The following PRELID2 variants were observed in gnomAD, a reference collection of about 807,000 sequenced individuals.
PRELID2 encodes PRELI domain-containing protein 2.
PRELID2 carries 25 observed loss-of-function variants against 28.4 expected under a neutral mutation model. The ratio of observed to expected loss-of-function variants is 0.88; its 90% CI spans 0.64 to 1.23. The LOEUF is 1.23. Among genes scored for constraint, PRELID2 ranks in the 50% most tolerant of loss-of-function variants. The pLI, the probability that PRELID2 is intolerant of heterozygous loss-of-function variation, is 0.00. For synonymous variants in PRELID2, 76 were observed against 71.6 expected (o/e 1.06, Z -0.31); for missense variants, 201 against 214.4 (o/e 0.94, Z 0.39).
chr5:145,778,037 G>A (rs183902321), intron 5 of PRELID2, among the ~76,000 whole-genome samples: 79 of 152,306 alleles, frequency 5.2e-4, no homozygotes, highest in African/African-American at 1.9e-3. Context: ...CCTGAAGGCT[G>A]GGGGCGGGGC....
chr5:145,414,932 C>T, the PRELID2 span, among the ~76,000 whole-genome samples: 1 of 152,168 alleles, frequency 6.6e-6, no homozygotes, highest in African/African-American at 2.4e-5. Context: ...AGCAATAACT[C>T]TAGGCTGCAG....
At chr5:145,403,988 C>T in the PRELID2 span, among the ~76,000 whole-genome samples, 3 of 152,172 alleles carry the variant, frequency 2.0e-5, no homozygotes, top group South Asian at 2.1e-4. Flanking sequence ...TTTTAAACTG[C>T]CAAAGCACTA....
At chr5:145,728,746 T>C (rs1581106406) in intron 1 of PRELID2, 1 of 1,461,598 alleles carries the variant, frequency 6.8e-7, no homozygotes, top group Admixed American at 1.7e-5. Flanking sequence ...TCTTCAACTG[T>C]TGTGAAGGCT....
At chr5:145,393,436 G>A in the PRELID2 span, among the ~76,000 whole-genome samples, 68 of 152,300 alleles carry the variant, frequency 4.5e-4, no homozygotes, top group African/African-American at 1.6e-3. Flanking sequence ...GAGTTTAATT[G>A]AGCAAAGAAT....
rs139688338 is a variant in PRELID2, at chr5:145,553,358, T to C, written n.71-80043A>G. On this transcript the variant is annotated intron_variant and non_coding_transcript_variant, in intron 1 of 2. Transcript: ENST00000510259. Reference sequence around the variant, plus strand: ...GGCACAGTCACCTGAGGCGGTTCAGTGTGACTTCTGTAAAGGCAGAGTAGC... The same window carrying C: ...GGCACAGTCACCTGAGGCGGTTCAGCGTGACTTCTGTAAAGGCAGAGTAGC... Among the ~76,000 whole-genome samples, 326 of 152,220 alleles carry C rather than the reference T, an allele frequency of 2.1e-3. 1 individual carries two copies. Among genetic ancestry groups the C allele is most frequent in the African/African-American group, 7.4e-3 (307 of 41,520 alleles).
At chr5:145,425,908 A>G in the PRELID2 span, among the ~76,000 whole-genome samples, 2 of 152,168 alleles carry the variant, frequency 1.3e-5, no homozygotes, top group Admixed American at 6.5e-5. Context: ...CCACTCCCAC[A>G]CAGCCTTCCC....
intron 4 of PRELID2, among the ~76,000 whole-genome samples, chr5:145,806,546 T>G (rs760963668): frequency 6.6e-6 from 1 of 152,208 alleles, no homozygotes; most frequent in Non-Finnish European, 1.5e-5. Flanking sequence ...TTAAAATATT[T>G]TATAAGTTAG....
chr5:145,369,960 G>T, the PRELID2 span, among the ~76,000 whole-genome samples: 277 of 147,732 alleles, frequency 1.9e-3, 5 homozygotes, highest in East Asian at 0.041. Context: ...GTTTTAATGG[G>T]TTTTTTTTTT....
chr5:145,660,701 C>A (rs1475154524), intron 1 of PRELID2, among the ~76,000 whole-genome samples: 1 of 152,096 alleles, frequency 6.6e-6, no homozygotes, highest in South Asian at 2.1e-4. Flanking sequence ...TGGGCAACAG[C>A]CTACATTTCC....
At chr5:145,554,771 C>T (rs772845248) in intron 1 of PRELID2, among the ~76,000 whole-genome samples, 4 of 152,170 alleles carry the variant, frequency 2.6e-5, no homozygotes, top group Non-Finnish European at 5.9e-5. Flanking sequence ...CTCTATTCCC[C>T]TTGTAAGAAT....
the PRELID2 span, among the ~76,000 whole-genome samples, chr5:145,231,233 G>A: frequency 7.4e-5 from 11 of 148,824 alleles, no homozygotes; most frequent in Non-Finnish European, 1.3e-4. Flanking sequence ...TTTATTTTTT[G>A]TCATGACTTT....
At chr5:145,824,334 G>C (rs1000642888) in intron 1 of PRELID2, among the ~76,000 whole-genome samples, 1 of 151,890 alleles carries the variant, frequency 6.6e-6, no homozygotes, top group Non-Finnish European at 1.5e-5. Context: ...AAGAAGAAAG[G>C]CCCCTCACTT....
chr5:145,758,248 T>C lies in PRELID2; in HGVS notation c.*2288A>G, dbSNP rs1757319680. 6.6e-6 allele frequency among the ~76,000 whole-genome samples: 1 copy of C among 152,144 alleles called. No individual in the cohort carries two copies. The highest frequency in any genetic ancestry group is 1.5e-5 in the Non-Finnish European group (1 of 68,026). On this transcript the variant is annotated 3_prime_UTR_variant, in exon 7 of 7. Transcript: ENST00000683046. ...GACCAACGACACAACCGCACTGTGC[T>C]GGAACCGGGCACACAAGGCAGAAAT...
intron 1 of PRELID2, among the ~76,000 whole-genome samples, chr5:145,523,033 A>C (rs1752577163): frequency 6.6e-6 from 1 of 152,202 alleles, no homozygotes; most frequent in South Asian, 2.1e-4. Flanking sequence ...AATATATAGC[A>C]AGACAAATGA....
intron 1 of PRELID2, among the ~76,000 whole-genome samples, chr5:145,829,065 G>A (rs1755414052): frequency 6.6e-6 from 1 of 151,612 alleles, no homozygotes; most frequent in African/African-American, 2.4e-5. Flanking sequence ...TGTTGGTGGT[G>A]GTGGTGGTGG....
chr5:145,600,648 A>G (rs1269390420), intron 1 of PRELID2, among the ~76,000 whole-genome samples: 2 of 152,066 alleles, frequency 1.3e-5, no homozygotes, highest in Non-Finnish European at 2.9e-5. Flanking sequence ...CTCTCGATTT[A>G]GACTTCAAGT....
At chr5:145,743,278 C>T (rs374518144) in intron 1 of PRELID2, among the ~76,000 whole-genome samples, 5 of 151,540 alleles carry the variant, frequency 3.3e-5, no homozygotes, top group Admixed American at 1.3e-4. Context: ...GGCATGATGG[C>T]GGCATGCCTG....
chr5:145,291,230 C>T, the PRELID2 span, among the ~76,000 whole-genome samples: 37 of 148,534 alleles, frequency 2.5e-4, no homozygotes, highest in Admixed American at 1.1e-3. Flanking sequence ...CCAGCTACTC[C>T]GGAGGCTGAG....
chr5:145,769,660 GTGAT>G (rs1263928259), intron 5 of PRELID2, among the ~76,000 whole-genome samples: 8 of 152,174 alleles, frequency 5.3e-5, no homozygotes, highest in Non-Finnish European at 1.0e-4. Context: ...TCAATTATCA[GTGAT>G]AAAAGATTGG....
Sources: gnomAD v4.1 joint callset for allele counts (sites outside exome capture counted in the v4.1 genomes callset) on GRCh38, gnomAD v4.1.1 for gene constraint, MANE v1.5 for transcripts, NCBI Gene and HGNC (gene_info 2026-07-23, HGNC 2026-07-21) for gene names.